Variants in KLF13 observed in about 807,000 individuals in gnomAD.
KLF13 encodes the protein KLF transcription factor 13.
Under a neutral mutation model 16.7 loss-of-function variants are expected in KLF13, and 8 were observed. The observed-to-expected ratio is 0.48, with a 90% confidence interval of 0.28 to 0.87. KLF13 has a LOEUF of 0.87. Ranked by LOEUF, KLF13 falls within the 40% of genes least tolerant of loss-of-function variation. The pLI, the probability that KLF13 is intolerant of heterozygous loss-of-function variation, is 0.10. For missense variants in KLF13, 447 were observed against 452.2 expected (o/e 0.99, Z 0.10); for synonymous variants, 245 against 208.4 (o/e 1.18, Z -1.51).
intron 1 of KLF13, among the ~76,000 whole-genome samples, chr15:31,425,680 C>T (rs2040392069): frequency 6.6e-6 from 1 of 152,094 alleles, no homozygotes; most frequent in Non-Finnish European, 1.5e-5. Context: ...AGTTTGAGAG[C>T]AGCCTGGCCA....
At chr15:31,396,447 G>A (rs1218349098) in intron 2 of KLF13, among the ~76,000 whole-genome samples, 6 of 152,152 alleles carry the variant, frequency 3.9e-5, no homozygotes, top group African/African-American at 1.4e-4. Flanking sequence ...TTGAGCCACC[G>A]CGCCCGGCCT....
At chr15:31,351,965 T>C (rs1382712343) in intron 1 of KLF13, among the ~76,000 whole-genome samples, 1 of 150,564 alleles carries the variant, frequency 6.6e-6, no homozygotes, top group Non-Finnish European at 1.5e-5. Context: ...TGAGCTGAGA[T>C]CACGCCACTG....
Position 31,327,715 on chromosome 15 carries a change from A to G in KLF13, c.503A>G (p.Lys168Arg), listed in dbSNP as rs757068968. 87 of 1,538,182 alleles carry G rather than the reference A, an allele frequency of 5.7e-5. No individual in the cohort carries two copies. The highest frequency in any genetic ancestry group is 3.3e-4 in the Admixed American group (18 of 54,430). Residue 168 changes from lysine (K) to arginine (R), a missense_variant, in exon 1 of 2, where the codon AAG (lysine) becomes AGG (arginine). By Grantham distance (26) the Lys-to-Arg change is conservative. Around this residue, in one of 2 missense-constraint regions of KLF13, gnomAD observed 359 missense variants for 282.8 expected, o/e 1.27. Transcript: ENST00000307145. ...CTCGAGTCCCCGCAGAGGAAGCACA[A>G]GTGCCACTACGCGGGCTGCGAGAAA... ...ADLESPQRKH[K>R]CHYAGCEKVY...
chr15:31,359,222 C>G (rs532228852), intron 1 of KLF13, among the ~76,000 whole-genome samples: 1 of 152,308 alleles, frequency 6.6e-6, no homozygotes, highest in East Asian at 1.9e-4. Flanking sequence ...AGGAGAGAAG[C>G]TCCAGAGCCC....
At chr15:31,430,693 G>C (rs1002428853) in intron 1 of KLF13, among the ~76,000 whole-genome samples, 2 of 152,268 alleles carry the variant, frequency 1.3e-5, no homozygotes, top group South Asian at 4.1e-4. Context: ...ACATTCAAAG[G>C]TTAGCAATGG....
At chr15:31,428,820 A>AAAAAG (rs1555383801) in intron 1 of KLF13, among the ~76,000 whole-genome samples, 804 of 72,728 alleles carry the variant, frequency 0.011, 18 homozygotes, top group African/African-American at 0.041. Flanking sequence ...AAAAAAAAAA[A>AAAAAG]AAAAAGAAAA....
In KLF13 at chr15:31,327,419, G is replaced by A. The variant is rs1166064232; in HGVS notation, c.207G>A (p.Ala69=). 29 of 1,274,900 alleles carry A rather than the reference G, an allele frequency of 2.3e-5. No homozygotes were observed. Among genetic ancestry groups the A allele is most frequent in the Admixed American group, 1.2e-4 (3 of 24,666 alleles). 79.0% of individuals were successfully genotyped at this position (1,274,900 alleles called of 1,614,324 possible). A position where few individuals can be genotyped will look rare whatever the true frequency, so the allele number is the denominator to read the frequency against. The change falls in exon 1 of 2, where the codon GCG becomes GCA. Residue 69 remains alanine, a synonymous_variant. Coordinates refer to ENST00000307145, the MANE Select transcript of KLF13 (RefSeq NM_015995.4). ...ASLFVVARIL[A]DLNQQAPAPA... Reference sequence around the variant, plus strand: ...TCTTCGTGGTGGCGCGGATCCTAGCGGACCTCAACCAGCAAGCGCCGGCGC... The same window carrying A: ...TCTTCGTGGTGGCGCGGATCCTAGCAGACCTCAACCAGCAAGCGCCGGCGC...
downstream of KLF13, among the ~76,000 whole-genome samples, chr15:31,379,717 T>G (rs978189355): frequency 6.6e-6 from 1 of 152,208 alleles, no homozygotes; most frequent in Non-Finnish European, 1.5e-5. Context: ...CAAAGCAGTT[T>G]CGGGTGGCGG....
At position 31,376,132 on chromosome 15, in the gene KLF13, C is replaced by T. The variant is rs564937290; in HGVS notation, c.*3833C>T. The T allele has an allele frequency of 2.0e-5, 3 of 152,754 alleles. No individual in the cohort carries two copies. The East Asian group carries it at 5.8e-4, about 30-fold the overall frequency. The allele number at this position is 152,754 out of a possible 1,614,324, so 9.5% of individuals were successfully genotyped here. On this transcript the variant is annotated 3_prime_UTR_variant, in exon 2 of 2. Transcript: ENST00000307145. ...CACCCGGTGTGTCCAGAAGACCAGC[C>T]TCTTTCTTGCCAGAAGCAGGTGCTA...
At chr15:31,328,921 G>C (rs1378991859) in intron 1 of KLF13, among the ~76,000 whole-genome samples, 1 of 152,128 alleles carries the variant, frequency 6.6e-6, no homozygotes, top group East Asian at 1.9e-4. Flanking sequence ...CTGTTGTCTT[G>C]TGACCAAGGG....
At chr15:31,408,256 T>C (rs2040151330), downstream of KLF13, among the ~76,000 whole-genome samples, 1 of 152,192 alleles carries the variant, frequency 6.6e-6, no homozygotes, top group Admixed American at 6.5e-5. Context: ...ATTTCACATA[T>C]GAAGTTAAAA....
chr15:31,343,016 T>A (rs1464240662), intron 1 of KLF13, among the ~76,000 whole-genome samples: 1 of 151,926 alleles, frequency 6.6e-6, no homozygotes, highest in Non-Finnish European at 1.5e-5. Context: ...CTGGAGGGGG[T>A]CGGGGCCACT....
chr15:31,344,598 C>T (rs1428173666), intron 1 of KLF13, among the ~76,000 whole-genome samples: 1 of 152,224 alleles, frequency 6.6e-6, no homozygotes, highest in East Asian at 1.9e-4. Context: ...CCCTGTTTCT[C>T]TTCTGGACTG....
At chr15:31,400,793 C>T (rs771465326) in intron 2 of KLF13, among the ~76,000 whole-genome samples, 1 of 152,080 alleles carries the variant, frequency 6.6e-6, no homozygotes, top group Non-Finnish European at 1.5e-5. Flanking sequence ...GACAATGCCT[C>T]GGACCAGAGT....
intron 1 of KLF13, chr15:31,339,845 C>T: frequency 1.5e-6 from 1 of 669,288 alleles, no homozygotes; most frequent in South Asian, 1.5e-5. Flanking sequence ...GTGGGAGTGC[C>T]CCAGGTGGCA....
intron 1 of KLF13, among the ~76,000 whole-genome samples, chr15:31,335,797 G>A (rs2038920645): frequency 6.6e-6 from 1 of 152,188 alleles, no homozygotes; most frequent in Admixed American, 6.5e-5. Context: ...ACTCTGCATG[G>A]ATGGGTGACC....
chr15:31,401,956 C>T (rs1405657739), intron 2 of KLF13, among the ~76,000 whole-genome samples: 1 of 152,260 alleles, frequency 6.6e-6, no homozygotes, highest in African/African-American at 2.4e-5. Context: ...GAAACCCCAA[C>T]TCTCAGCAGA....
chr15:31,389,276 T>C (rs1013636960), upstream of KLF13, among the ~76,000 whole-genome samples: 2 of 152,268 alleles, frequency 1.3e-5, no homozygotes, highest in African/African-American at 4.8e-5. Flanking sequence ...ATTGTAAGAA[T>C]GCAGAATATA....
chr15:31,387,995 G>A (rs966127354), upstream of KLF13, among the ~76,000 whole-genome samples: 4 of 152,216 alleles, frequency 2.6e-5, no homozygotes, highest in African/African-American at 7.2e-5. Flanking sequence ...CCGGAGAGGA[G>A]ACAGGCTGAG....
Sources: gnomAD v4.1 joint callset for allele counts (sites outside exome capture counted in the v4.1 genomes callset) on GRCh38, gnomAD v4.1.1 for gene constraint, gnomAD v4.1.1 regional missense constraint, MANE v1.5 for transcripts, NCBI Gene and HGNC (gene_info 2026-07-23, HGNC 2026-07-21) for gene names.